The following KCNIP4 variants were observed in gnomAD, a reference collection of about 807,000 sequenced individuals.
KCNIP4 encodes the protein Kv channel-interacting protein 4.
KCNIP4 carries 12 observed loss-of-function variants against 34.0 expected under a neutral mutation model. That is an observed-to-expected ratio of 0.35 (90% CI 0.23 to 0.57). The LOEUF (loss-of-function observed/expected upper bound fraction) is 0.57, where lower values mean the gene tolerates loss of function less well. Ranked by LOEUF, KCNIP4 falls within the 20% of genes least tolerant of loss-of-function variation. The pLI is 0.83. For synonymous variants in KCNIP4, 124 were observed against 102.2 expected, an observed-to-expected ratio of 1.21 and a Z score of -1.29; for missense variants, 238 against 311.7, an observed-to-expected ratio of 0.76 and a Z score of 1.78.
chr4:21,071,897 G>T (rs148275337), intron 1 of KCNIP4, among the ~76,000 whole-genome samples: 5 of 152,090 alleles, frequency 3.3e-5, no homozygotes, highest in Non-Finnish European at 5.9e-5. Flanking sequence ...GTGGTGTTTG[G>T]TTTTTTGTCC....
At chr4:21,371,498 C>A (rs1720448900) in intron 1 of KCNIP4, among the ~76,000 whole-genome samples, 1 of 146,834 alleles carries the variant, frequency 6.8e-6, no homozygotes, top group Non-Finnish European at 1.5e-5. Flanking sequence ...TCTCTGTGAG[C>A]TTGAGCATGA....
chr4:20,858,596 G>C (rs995006723), intron 2 of KCNIP4, among the ~76,000 whole-genome samples: 8 of 152,076 alleles, frequency 5.3e-5, no homozygotes, highest in Non-Finnish European at 1.2e-4. Flanking sequence ...AGAAAATTGA[G>C]GCTTGGAGAG....
intron 2 of KCNIP4, among the ~76,000 whole-genome samples, chr4:20,869,376 T>C (rs1008845180): frequency 3.2e-4 from 48 of 152,088 alleles, no homozygotes; most frequent in African/African-American, 1.0e-3. Flanking sequence ...GTTAATATTA[T>C]AGAATAAGGT....
At chr4:20,746,657 T>C (rs1172784045) in intron 5 of KCNIP4, among the ~76,000 whole-genome samples, 2 of 152,190 alleles carry the variant, frequency 1.3e-5, no homozygotes, top group African/African-American at 2.4e-5. Context: ...TCTTATTAAG[T>C]AGCTTTGATT....
chr4:20,783,618 C>T (rs999473970), intron 3 of KCNIP4, among the ~76,000 whole-genome samples: 2 of 152,132 alleles, frequency 1.3e-5, no homozygotes, highest in Non-Finnish European at 2.9e-5. Context: ...CTGGGTCGCT[C>T]CCACAACACA....
chr4:20,807,677 A>T (rs1304924327), intron 3 of KCNIP4, among the ~76,000 whole-genome samples: 1 of 152,124 alleles, frequency 6.6e-6, no homozygotes, highest in Non-Finnish European at 1.5e-5. Context: ...AAGCTTCAGG[A>T]TACTTGGGAA....
intron 1 of KCNIP4, among the ~76,000 whole-genome samples, chr4:21,016,972 C>A (rs1739599924): frequency 6.6e-6 from 1 of 152,102 alleles, no homozygotes; most frequent in Non-Finnish European, 1.5e-5. Flanking sequence ...ATAGCAGCCC[C>A]CTTTTTTCTT....
intron 1 of KCNIP4, among the ~76,000 whole-genome samples, chr4:21,711,688 C>T (rs28360924): frequency 0.044 from 6,714 of 152,158 alleles, 471 homozygotes; most frequent in African/African-American, 0.15. Flanking sequence ...CCTTCTGTTA[C>T]TGTTTTTCAT....
intron 1 of KCNIP4, among the ~76,000 whole-genome samples, chr4:21,438,828 G>C (rs78806197): frequency 0.014 from 2,063 of 152,178 alleles, 26 homozygotes; most frequent in Non-Finnish European, 0.022. Flanking sequence ...AATTTCAGGG[G>C]TACAGCCAAG....
intron 3 of KCNIP4, among the ~76,000 whole-genome samples, chr4:20,775,125 G>A (rs765802224): frequency 6.6e-6 from 1 of 152,116 alleles, no homozygotes; most frequent in Non-Finnish European, 1.5e-5. Flanking sequence ...AAACAAAAGG[G>A]GAAAAGCAGA....
intron 1 of KCNIP4, among the ~76,000 whole-genome samples, chr4:21,586,352 T>C (rs1384381145): frequency 1.3e-5 from 2 of 152,052 alleles, no homozygotes; most frequent in African/African-American, 4.8e-5. Context: ...AGAATATATG[T>C]GTTGAATAAA....
intron 1 of KCNIP4, among the ~76,000 whole-genome samples, chr4:21,929,578 T>A (rs183464609): frequency 2.6e-5 from 4 of 152,136 alleles, no homozygotes; most frequent in African/African-American, 9.6e-5. Flanking sequence ...CCAATGCCTA[T>A]AAACATGCCC....
intron 1 of KCNIP4, among the ~76,000 whole-genome samples, chr4:21,682,914 T>A (rs973136269): frequency 6.6e-6 from 1 of 152,172 alleles, no homozygotes; most frequent in African/African-American, 2.4e-5. Context: ...ATAAAAGATA[T>A]AATGATAATG....
intron 1 of KCNIP4, among the ~76,000 whole-genome samples, chr4:21,146,594 T>C (rs1449155580): frequency 6.6e-6 from 1 of 152,196 alleles, no homozygotes; most frequent in Admixed American, 6.5e-5. Context: ...GTCACAGTCA[T>C]ACAGTTCCCG....
chr4:21,189,315 A>G lies in KCNIP4; in HGVS notation c.62-306606T>C, dbSNP rs190711377. Among the ~76,000 whole-genome samples, 99 of 152,254 alleles carry G rather than the reference A, an allele frequency of 6.5e-4. No homozygotes were observed. In the East Asian group the frequency reaches 0.016, roughly 25 times the overall value. On this transcript the variant is annotated intron_variant, in intron 1 of 8. Transcript: ENST00000382152. ...CCATCTGCTTCACAGCTCCATCCATATGCCTTTTTGAAATACACATCCAGC... is the reference window on the plus strand; with the variant it reads ...CCATCTGCTTCACAGCTCCATCCATGTGCCTTTTTGAAATACACATCCAGC...
At chr4:21,395,705 A>C (rs949257636) in intron 1 of KCNIP4, among the ~76,000 whole-genome samples, 2 of 152,172 alleles carry the variant, frequency 1.3e-5, no homozygotes, top group South Asian at 4.1e-4. Flanking sequence ...TATATTGAGG[A>C]AATGTCCTAT....
At chr4:21,563,059 G>A (rs975908700) in intron 1 of KCNIP4, among the ~76,000 whole-genome samples, 2 of 151,852 alleles carry the variant, frequency 1.3e-5, no homozygotes, top group African/African-American at 2.4e-5. Flanking sequence ...CTGTTGGTTG[G>A]TCTGATGTTT....
intron 1 of KCNIP4, among the ~76,000 whole-genome samples, chr4:21,866,793 G>A (rs1450146493): frequency 3.1e-5 from 3 of 95,650 alleles, no homozygotes; most frequent in African/African-American, 1.1e-4. Flanking sequence ...TTTTTGAGAT[G>A]GAGTCTCGCT....
intron 1 of KCNIP4, among the ~76,000 whole-genome samples, chr4:21,052,985 T>C (rs1743057290): frequency 6.7e-6 from 1 of 149,840 alleles, no homozygotes; most frequent in Non-Finnish European, 1.5e-5. Context: ...AAGAGAGAGA[T>C]CAATCTGAGA....
Sources: allele counts gnomAD v4.1 joint callset (sites outside exome capture counted in the v4.1 genomes callset), GRCh38; gene constraint gnomAD v4.1.1; transcripts MANE v1.5; gene names NCBI Gene and HGNC (gene_info 2026-07-23, HGNC 2026-07-21).